Variants in ZFR observed in about 807,000 individuals in gnomAD.
ZFR encodes the protein zinc finger RNA-binding protein.
In ZFR, 19 loss-of-function variants were observed where a neutral mutation model predicts 130.7. That is an observed-to-expected ratio of 0.15 (90% CI 0.10 to 0.21). ZFR has a LOEUF of 0.21. Ranked by LOEUF, ZFR falls within the 10% of genes least tolerant of loss-of-function variation. The pLI, the probability that ZFR is intolerant of heterozygous loss-of-function variation, is 1.00. For synonymous variants in ZFR, 466 were observed against 456.9 expected (o/e 1.02, Z -0.25); for missense variants, 872 against 1,321.5 (o/e 0.66, Z 5.27).
At chr5:32,441,034 C>T (rs532120016) in intron 2 of ZFR, among the ~76,000 whole-genome samples, 7 of 152,260 alleles carry the variant, frequency 4.6e-5, no homozygotes, top group Admixed American at 2.6e-4. Flanking sequence ...AGTGTAATCG[C>T]GCGATCTTGG....
Position 32,379,218 on chromosome 5 carries a change from G to A in ZFR, c.2740-8C>T. ...CAGACCATTAGCTCTAGCCTTGAGA[G>A]CAACATAAAAACCAATTGAATTAAT... On this transcript the variant is annotated splice_polypyrimidine_tract_variant and splice_region_variant and intron_variant, in intron 16 of 19. Coordinates refer to ENST00000265069, the MANE Select transcript of ZFR (RefSeq NM_016107.5). 1 of 1,611,304 alleles carries A rather than the reference G, an allele frequency of 6.2e-7. No homozygotes were observed. Among genetic ancestry groups the A allele is most frequent in the Non-Finnish European group, 8.5e-7 (1 of 1,177,642 alleles).
At chr5:32,377,399 C>T (rs1243015034) in intron 17 of ZFR, among the ~76,000 whole-genome samples, 2 of 150,978 alleles carry the variant, frequency 1.3e-5, no homozygotes, top group Non-Finnish European at 2.9e-5. Context: ...TCAGGGCAGT[C>T]TTGATCTTCT....
In ZFR at chr5:32,387,578, T is replaced by C; in HGVS notation, c.2470A>G (p.Ile824Val). The C allele has an allele frequency of 1.9e-6, 3 of 1,613,276 alleles. No individual in the cohort carries two copies. The highest frequency in any genetic ancestry group is 1.7e-6 in the Non-Finnish European group (2 of 1,179,560). The stretch of plus-strand genomic sequence containing the variant: ...AGCTGTTTGGGTAGGTTTTCTGCAA[T>C]ACGGCTTAATAATGTCTTTGAAGGT... ...EKPSKTLLSR[I>V]AENLPKQLAV... Residue 824 changes from isoleucine to valine, a missense_variant, in exon 14 of 20, where the codon ATT (isoleucine) becomes GTT (valine). Physicochemically the swap from Ile to Val is conservative, Grantham distance 29. Around this residue, in one of 7 missense-constraint regions of ZFR, gnomAD observed 225 missense variants for 282.4 expected, o/e 0.80. Coordinates refer to ENST00000265069, the MANE Select transcript of ZFR (RefSeq NM_016107.5).
At chr5:32,363,768 C>G (rs1288343603) in intron 19 of ZFR, among the ~76,000 whole-genome samples, 180 bp downstream of exon 19, 1 of 152,114 alleles carries the variant, frequency 6.6e-6, no homozygotes. Flanking sequence ...ATTTTAAACT[C>G]TATTAGTGAA....
intron 3 of ZFR, among the ~76,000 whole-genome samples, chr5:32,419,362 G>C (rs981026273): frequency 1.3e-5 from 2 of 152,020 alleles, no homozygotes; most frequent in Admixed American, 6.6e-5. Context: ...TCTTGAGACA[G>C]GGTCTCGCTC....
Position 32,444,332 on chromosome 5 carries a change from C to T in ZFR, c.38-4G>A, listed in dbSNP as rs1357049181. 1.3e-6 allele frequency: 2 copies of T among 1,536,006 alleles called. No individual in the cohort carries two copies. The highest frequency in any genetic ancestry group is 8.8e-7 in the Non-Finnish European group (1 of 1,140,104). On this transcript the variant is annotated splice_polypyrimidine_tract_variant and splice_region_variant and intron_variant, in intron 1 of 19. Transcript: ENST00000265069. Reference sequence around the variant, plus strand: ...TCTTCCCCCAGCCGGCTGGGCACTGCGGCGGGCACGAAGAGTCGGGTCCCA... The same window carrying T: ...TCTTCCCCCAGCCGGCTGGGCACTGTGGCGGGCACGAAGAGTCGGGTCCCA...
In ZFR at chr5:32,355,025, A is replaced by G. The variant is rs1752275413; in HGVS notation, c.*735T>C. On this transcript the variant is annotated 3_prime_UTR_variant, in exon 20 of 20. Coordinates refer to ENST00000265069, the MANE Select transcript of ZFR (RefSeq NM_016107.5). Reference sequence around the variant, plus strand: ...AGAATGTCATGCATTTTTATTATCAATTATGCAGAGGCTTTAAAACTGTTG... The same window carrying G: ...AGAATGTCATGCATTTTTATTATCAGTTATGCAGAGGCTTTAAAACTGTTG... 6.6e-6 allele frequency: 1 copy of G among 152,224 alleles called. No homozygotes were observed. Among genetic ancestry groups the G allele is most frequent in the Admixed American group, 6.5e-5 (1 of 15,270 alleles). The allele number at this position is 152,224 out of a possible 1,614,324, so 9.4% of individuals were successfully genotyped here.
At chr5:32,381,679 A>AG (rs1271994903) in intron 15 of ZFR, among the ~76,000 whole-genome samples, 2 of 152,130 alleles carry the variant, frequency 1.3e-5, no homozygotes, top group African/African-American at 4.8e-5. Context: ...TAAAAAACAT[A>AG]TTTTGAAACT....
At chr5:32,434,149 A>G (rs1253401774) in intron 2 of ZFR, among the ~76,000 whole-genome samples, 1 of 152,244 alleles carries the variant, frequency 6.6e-6, no homozygotes, top group Non-Finnish European at 1.5e-5. Context: ...TCCTCACAGA[A>G]TATTATAAAA....
rs1396797234 is a variant in ZFR, at chr5:32,407,012, T to A, written c.794A>T (p.Tyr265Phe). Residue 265 changes from tyrosine to phenylalanine, a missense_variant, in exon 6 of 20, where the codon TAT (tyrosine) becomes TTT (phenylalanine). Tyr to Phe is a conservative substitution (Grantham distance 22). This residue lies in a region of ZFR where 240 missense variants were observed against 441.2 expected (regional missense o/e 0.54). Transcript: ENST00000265069. Reference sequence around the variant, plus strand: ...ATACACTGCTGCTTCATAACCTGAATAAGACGTACCTTACAAATAAAAATC... The same window carrying A: ...ATACACTGCTGCTTCATAACCTGAAAAAGACGTACCTTACAAATAAAAATC... ...TTAVTYSGTS[Y>F]SGYEAAVYSA... 6.6e-7 allele frequency: 1 copy of A among 1,521,146 alleles called. No homozygotes were observed. The highest frequency in any genetic ancestry group is 8.8e-7 in the Non-Finnish European group (1 of 1,138,536). 94.2% of individuals were successfully genotyped at this position (1,521,146 alleles called of 1,614,324 possible).
Position 32,403,338 on chromosome 5 carries a change from A to G in ZFR, c.1284T>C (p.Val428=). 6.2e-7 allele frequency: 1 copy of G among 1,614,210 alleles called. No homozygotes were observed. The highest frequency in any genetic ancestry group is 2.2e-5 in the East Asian group (1 of 44,888). ...CAGCTGTTGAAGAAGTAGCTTGGCT[A>G]ACAACATTTGGTTCTGTTGATGGAA... ...KPIPSTEPNV[V]SQATSSTAVS... Residue 428 remains valine (V), a synonymous_variant, in exon 8 of 20, where the codon GTT becomes GTC. Coordinates refer to ENST00000265069, the MANE Select transcript of ZFR (RefSeq NM_016107.5).
At chr5:32,384,076 A>C (rs889118068) in intron 15 of ZFR, among the ~76,000 whole-genome samples, 1 of 152,250 alleles carries the variant, frequency 6.6e-6, no homozygotes, top group African/African-American at 2.4e-5. Context: ...CTTTTACAAC[A>C]TAATAAAATG....
At chr5:32,401,747 G>A (rs1226085752) in intron 8 of ZFR, among the ~76,000 whole-genome samples, 2 of 152,180 alleles carry the variant, frequency 1.3e-5, no homozygotes, top group Admixed American at 6.5e-5. Flanking sequence ...AATGAAATAA[G>A]AGTGTGGAGA....
At chr5:32,416,541 G>A (rs1186652094) in intron 4 of ZFR, among the ~76,000 whole-genome samples, 1 of 151,648 alleles carries the variant, frequency 6.6e-6, no homozygotes, top group Non-Finnish European at 1.5e-5. Flanking sequence ...TTGAATCCAG[G>A]AGGTGGAGGT....
chr5:32,402,613 GAA>G (rs61102954), intron 8 of ZFR, among the ~76,000 whole-genome samples: 3 of 121,958 alleles, frequency 2.5e-5, no homozygotes, highest in African/African-American at 8.7e-5. Flanking sequence ...CCAAAAAAAA[GAA>G]AAAAAAAAAA....
At chr5:32,415,515 TGCGCGCGC>T (rs70961629) in intron 4 of ZFR, among the ~76,000 whole-genome samples, 49 of 97,986 alleles carry the variant, frequency 5.0e-4, no homozygotes, top group African/African-American at 1.0e-3. Flanking sequence ...TGTGTGTGTG[TGCGCGCGC>T]GCGCGCGCGC....
At chr5:32,369,740 A>T (rs1295522379) in intron 17 of ZFR, among the ~76,000 whole-genome samples, 1 of 152,158 alleles carries the variant, frequency 6.6e-6, no homozygotes, top group African/African-American at 2.4e-5. Context: ...TAAGCCTGGG[A>T]AGTCGAGGCT....
At chr5:32,359,341 T>C (rs1364052672) in intron 19 of ZFR, among the ~76,000 whole-genome samples, 2 of 152,074 alleles carry the variant, frequency 1.3e-5, no homozygotes, top group Non-Finnish European at 2.9e-5. Context: ...CAACTATCAT[T>C]AGTGTCAGTG....
At chr5:32,408,086 T>G (rs1753616601) in intron 5 of ZFR, among the ~76,000 whole-genome samples, 1 of 152,186 alleles carries the variant, frequency 6.6e-6, no homozygotes. Context: ...TAACTAAACT[T>G]GCCTTTTATT....
Sources: gnomAD v4.1 joint callset for allele counts (sites outside exome capture counted in the v4.1 genomes callset) on GRCh38, gnomAD v4.1.1 for gene constraint, gnomAD v4.1.1 regional missense constraint, MANE v1.5 for transcripts, NCBI Gene and HGNC (gene_info 2026-07-23, HGNC 2026-07-21) for gene names.